CRY1: variants seen among roughly 807,000 people sequenced by gnomAD.
The protein encoded by CRY1 is cryptochrome-1.
A neutral mutation model predicts 76.0 loss-of-function variants in CRY1; 45 were observed. The observed-to-expected ratio is 0.59, with a 90% CI of 0.47 to 0.76. The LOEUF (loss-of-function observed/expected upper bound fraction) is 0.76. Ranked by LOEUF, CRY1 falls within the 30% of genes least tolerant of loss-of-function variation. The pLI is 0.00. For synonymous variants in CRY1, 248 were observed against 244.0 expected, an observed-to-expected ratio of 1.02 and a Z score of -0.15; for missense variants, 587 against 716.4, an observed-to-expected ratio of 0.82 and a Z score of 2.06.
rs1227853181 is a variant in CRY1, at chr12:107,000,051, A to C, written c.716T>G (p.Met239Arg). Residue 239 changes from methionine to arginine, a missense_variant, in exon 6 of 13, where the codon ATG (methionine) becomes AGG (arginine). Physicochemically the swap from Met to Arg is moderately conservative, Grantham distance 91. Coordinates refer to ENST00000008527, the MANE Select transcript of CRY1 (RefSeq NM_004075.5). ...AWVANFERPR[M>R]NANSLLASPT... ...GCTTGCAAGCAGAGAATTCGCATTC[A>C]TTCGAGGTCTTTCAAAATTTGCCAC... 1 of 1,605,080 alleles carries C rather than the reference A, an allele frequency of 6.2e-7. No individual in the cohort carries two copies. Among genetic ancestry groups the C allele is most frequent in the Non-Finnish European group, 8.5e-7 (1 of 1,177,726 alleles).
rs141173555 is a variant in CRY1, at chr12:107,015,535, C to T, written c.267+6549G>A. Among the ~76,000 whole-genome samples, 464 of 152,150 alleles carry T rather than the reference C, an allele frequency of 3.0e-3. 4 individuals are homozygous for T. Among genetic ancestry groups the T allele is most frequent in the Non-Finnish European group, 5.2e-3 (353 of 67,988 alleles). ...ATTTTTAAAAATTTTTGTAGAGATG[C>T]GGTCTCAGCATGTTGTCCAGGCTTA... On this transcript the variant is annotated intron_variant, in intron 2 of 12. Transcript: ENST00000008527.
intron 1 of CRY1, among the ~76,000 whole-genome samples, chr12:107,064,987 G>A (rs770058908): frequency 2.0e-5 from 3 of 152,010 alleles, no homozygotes; most frequent in Non-Finnish European, 4.4e-5. Flanking sequence ...CTGCTGATAA[G>A]TTCTGAATTT....
chr12:107,091,561 T>C (rs1953473076), intron 1 of CRY1, among the ~76,000 whole-genome samples: 2 of 152,190 alleles, frequency 1.3e-5, no homozygotes, highest in African/African-American at 4.8e-5. Flanking sequence ...AAAAATTCTT[T>C]TCCAAACTTA....
At chr12:106,996,698 C>T (rs1952236806) in intron 10 of CRY1, among the ~76,000 whole-genome samples, 1 of 152,196 alleles carries the variant, frequency 6.6e-6, no homozygotes, top group African/African-American at 2.4e-5. Context: ...AATCAAATTA[C>T]TGAGCTTCAT....
At chr12:107,013,974 C>T (rs983489896) in intron 2 of CRY1, among the ~76,000 whole-genome samples, 7 of 152,086 alleles carry the variant, frequency 4.6e-5, no homozygotes, top group African/African-American at 1.7e-4. Context: ...TGGTACTGCT[C>T]TAAGGTGTTC....
chr12:106,993,584 T>C (rs1031085350), intron 10 of CRY1, among the ~76,000 whole-genome samples: 1 of 152,034 alleles, frequency 6.6e-6, no homozygotes, highest in Non-Finnish European at 1.5e-5. Context: ...AAGTATGTTT[T>C]AGGGAAACAT....
chr12:107,065,526 T>G (rs987183335), intron 1 of CRY1, among the ~76,000 whole-genome samples: 3 of 150,660 alleles, frequency 2.0e-5, no homozygotes, highest in Non-Finnish European at 3.0e-5. Context: ...ACACTGGAGG[T>G]TGAGGTTGCA....
intron 1 of CRY1, among the ~76,000 whole-genome samples, chr12:107,024,821 T>C (rs189412165): frequency 6.6e-6 from 1 of 152,350 alleles, no homozygotes; most frequent in East Asian, 1.9e-4. Context: ...TGTATTTAAG[T>C]ATGGTGTTCT....
intron 1 of CRY1, among the ~76,000 whole-genome samples, chr12:107,040,333 T>C (rs1952784148): frequency 1.4e-5 from 1 of 69,432 alleles, no homozygotes. Context: ...TCACCCAGGC[T>C]GGAGGTGCAG....
intron 4 of CRY1, 109 bp downstream of exon 4, chr12:107,001,655 T>C (rs1426543812): frequency 1.0e-6 from 1 of 1,000,608 alleles, no homozygotes; most frequent in Non-Finnish European, 1.4e-6. Flanking sequence ...GCCCTTTCTT[T>C]CTCTCCTAAT....
At chr12:107,024,213 A>G (rs1292072161) in intron 1 of CRY1, among the ~76,000 whole-genome samples, 1 of 152,236 alleles carries the variant, frequency 6.6e-6, no homozygotes, top group Non-Finnish European at 1.5e-5. Flanking sequence ...TGAGAACAGC[A>G]AGAGTTCTCC....
intron 1 of CRY1, among the ~76,000 whole-genome samples, chr12:107,025,554 T>C (rs969890131): frequency 3.3e-5 from 5 of 152,186 alleles, no homozygotes; most frequent in African/African-American, 9.7e-5. Context: ...TGCCTGCCCA[T>C]AGTAAGCACA....
chr12:107,071,401 C>T (rs1953189376), intron 1 of CRY1, among the ~76,000 whole-genome samples: 1 of 152,190 alleles, frequency 6.6e-6, no homozygotes, highest in Admixed American at 6.5e-5. Flanking sequence ...ATTTCCAATA[C>T]TGAATTATTC....
At position 107,039,681 on chromosome 12, in the gene CRY1, G is replaced by A. The variant is rs891449637; in HGVS notation, c.159-17489C>T. 1.8e-4 allele frequency among the ~76,000 whole-genome samples: 28 copies of A among 152,294 alleles called. No homozygotes were observed. In the East Asian group the frequency reaches 3.3e-3, roughly 18 times the overall value. ...AAAGGCAATGTGTTGGCAAGGATAT[G>A]GAGAAACTGGAACCCTAATGTAATG... On this transcript the variant is annotated intron_variant, in intron 1 of 12. Transcript: ENST00000008527.
In CRY1 at chr12:106,999,348, C is replaced by G. The variant is rs150877389; in HGVS notation, c.1137+203G>C. 2.6e-5 allele frequency among the ~76,000 whole-genome samples: 4 copies of G among 152,222 alleles called. No individual in the cohort carries two copies. In the East Asian group the frequency reaches 7.7e-4, roughly 29 times the overall value. Reference sequence around the variant, plus strand: ...ACCATTAAAATGACTTTAGGTTAATCAATTTAACCAGTTTTCACCTTTTTG... The same window carrying G: ...ACCATTAAAATGACTTTAGGTTAATGAATTTAACCAGTTTTCACCTTTTTG... On this transcript the variant is annotated intron_variant, in intron 7 of 12. Transcript: ENST00000008527.
chr12:107,092,182 C>T (rs1953479395), intron 1 of CRY1, among the ~76,000 whole-genome samples: 1 of 152,166 alleles, frequency 6.6e-6, no homozygotes. Flanking sequence ...CATAAAGCAT[C>T]TCTAAGATTT....
chr12:107,086,573 C>T (rs755240654), intron 1 of CRY1, among the ~76,000 whole-genome samples: 9 of 152,130 alleles, frequency 5.9e-5, no homozygotes, highest in Non-Finnish European at 1.2e-4. Context: ...CTACTCCCCA[C>T]GTTCTGGCTG....
chr12:107,069,181 G>T (rs557560947), intron 1 of CRY1, among the ~76,000 whole-genome samples: 1 of 151,316 alleles, frequency 6.6e-6, no homozygotes, highest in Non-Finnish European at 1.5e-5. Flanking sequence ...ATGTACAAGG[G>T]TTCCAATTTC....
In CRY1 at chr12:106,997,689, G is replaced by A. The variant is rs769728649; in HGVS notation, c.1291C>T (p.Arg431Cys). The A allele has an allele frequency of 9.9e-6, 16 of 1,613,414 alleles. No individual in the cohort carries two copies. In the South Asian group the frequency reaches 1.3e-4, roughly 13 times the overall value. Residue 431 changes from arginine (R) to cysteine (C), a missense_variant and splice_region_variant, in exon 9 of 13, where the codon CGT (arginine) becomes TGT (cysteine). Transcript: ENST00000008527. ...RTDPNGDYIR[R>C]YLPVLRGFPA... Reference sequence around the variant, plus strand: ...AAGCCTCTTAGGACAGGCAAATAACGCCTTTGGGAGAAAAAAGAAAGATTA... The same window carrying A: ...AAGCCTCTTAGGACAGGCAAATAACACCTTTGGGAGAAAAAAGAAAGATTA...
Sources: gnomAD v4.1 joint callset for allele counts (sites outside exome capture counted in the v4.1 genomes callset) on GRCh38, gnomAD v4.1.1 for gene constraint, MANE v1.5 for transcripts, NCBI Gene and HGNC (gene_info 2026-07-23, HGNC 2026-07-21) for gene names.